The following YIPF5 variants were observed in gnomAD, a reference collection of about 807,000 sequenced individuals.
YIPF5 encodes protein YIPF5.
A neutral mutation model predicts 30.4 loss-of-function variants in YIPF5; 8 were observed. The observed-to-expected ratio is 0.26, with a 90% CI of 0.15 to 0.47. The LOEUF is 0.47. YIPF5 is among the 20% of genes least tolerant of loss of function. The probability of loss-of-function intolerance (pLI) is 0.99; values close to 1 mark genes in which losing one functional copy is unlikely to be tolerated. For missense variants in YIPF5, 282 were observed against 301.8 expected, an observed-to-expected ratio of 0.93 and a Z score of 0.49; for synonymous variants, 104 against 107.9, an observed-to-expected ratio of 0.96 and a Z score of 0.23.
chr5:144,162,591 A>G (rs1752079988), intron 4 of YIPF5, among the ~76,000 whole-genome samples, 192 bp from the exon 5 acceptor site: 1 of 152,210 alleles, frequency 6.6e-6, no homozygotes, highest in Admixed American at 6.5e-5. Flanking sequence ...AAGTACAGAG[A>G]TATTTGGTTC....
Position 144,162,216 on chromosome 5 carries a change from A to C in YIPF5, c.611+2T>G. On this transcript the variant is annotated splice_donor_variant, in intron 5 of 5. Transcript: ENST00000274496. LOFTEE classifies it high-confidence loss of function. ...ACCCCCAAAATAAAGAACAGTACTT[A>C]CTGCAAAGAAAATATCACTGCAAAG... The C allele has an allele frequency of 6.2e-7, 1 of 1,613,402 alleles. No individual in the cohort carries two copies. Among genetic ancestry groups the C allele is most frequent in the Non-Finnish European group, 8.5e-7 (1 of 1,179,582 alleles).
intron 4 of YIPF5, 95 bp downstream of exon 4, chr5:144,164,016 T>C: frequency 6.8e-7 from 1 of 1,475,392 alleles, no homozygotes; most frequent in Non-Finnish European, 9.2e-7. Flanking sequence ...AGACTTGAGG[T>C]GTAAAGCGGA....
At position 144,159,721 on chromosome 5, in the gene YIPF5, T is replaced by C; in HGVS notation, c.*676A>G. The C allele has an allele frequency of 1.3e-5, 12 of 939,570 alleles. No homozygotes were observed. The highest frequency in any genetic ancestry group is 1.5e-5 in the Non-Finnish European group (12 of 788,276). The allele number at this position is 939,570 out of a possible 1,614,324, so 58.2% of individuals were successfully genotyped here. On this transcript the variant is annotated 3_prime_UTR_variant, in exon 6 of 6. Coordinates refer to ENST00000274496, the MANE Select transcript of YIPF5 (RefSeq NM_030799.9). ...CTTGTGTCTCCTTTTTTTTTTTTTT[T>C]TGAGACAGAGTCTCACCCTGTCACC...
At chr5:144,163,861 T>TA in intron 4 of YIPF5, 1 of 318,106 alleles carries the variant, frequency 3.1e-6, no homozygotes, top group Non-Finnish European at 5.6e-6. Context: ...TGTTGTTTAC[T>TA]ATTTTTTTTT....
intron 4 of YIPF5, among the ~76,000 whole-genome samples, chr5:144,163,420 A>G (rs1752107285): frequency 6.6e-6 from 1 of 152,104 alleles, no homozygotes; most frequent in African/African-American, 2.4e-5. Flanking sequence ...GTCTTGTTTC[A>G]CCTTCAAAAT....
Position 144,160,029 on chromosome 5 carries a change from G to C in YIPF5, c.*368C>G. ...GGCCGTCTTGTGTCTTCTTTACTGTGACTGGGTCGTTTTTAAGAAAGGTTA... is the reference window on the plus strand; with the variant it reads ...GGCCGTCTTGTGTCTTCTTTACTGTCACTGGGTCGTTTTTAAGAAAGGTTA... On this transcript the variant is annotated 3_prime_UTR_variant, in exon 6 of 6. Transcript: ENST00000274496. 1 of 994,194 alleles carries C rather than the reference G, an allele frequency of 1.0e-6. No individual in the cohort carries two copies. 61.6% of individuals were successfully genotyped at this position (994,194 alleles called of 1,614,324 possible).
intron 1 of YIPF5, 92 bp from the exon 2 acceptor site, chr5:144,170,057 C>T: frequency 9.9e-7 from 1 of 1,007,848 alleles, no homozygotes; most frequent in South Asian, 1.4e-5. Flanking sequence ...AGAAACACAA[C>T]AAATATTTTT....
chr5:144,158,723 G>C lies in YIPF5; in HGVS notation c.*1674C>G. 9.9e-7 allele frequency: 1 copy of C among 1,012,868 alleles called. No individual in the cohort carries two copies. The highest frequency in any genetic ancestry group is 1.2e-6 in the Non-Finnish European group (1 of 848,552). 62.7% of individuals were successfully genotyped at this position (1,012,868 alleles called of 1,614,324 possible). On this transcript the variant is annotated 3_prime_UTR_variant, in exon 6 of 6. Coordinates refer to ENST00000274496, the MANE Select transcript of YIPF5 (RefSeq NM_030799.9). ...TTGCTTTTTTAAAGCAATTTGGTAA[G>C]TTTGAAAACCTAGCCCAAAACAAAT...
Position 144,159,959 on chromosome 5 carries a change from C to T in YIPF5, c.*438G>A, listed in dbSNP as rs192155738. The T allele has an allele frequency of 9.4e-4, 898 of 958,070 alleles. 3 individuals are homozygous for T. In the African/African-American group the frequency reaches 0.015, roughly 16 times the overall value. The allele number at this position is 958,070 out of a possible 1,614,324, so 59.3% of individuals were successfully genotyped here. A position where few individuals can be genotyped will look rare whatever the true frequency, so the allele number is the denominator to read the frequency against. On this transcript the variant is annotated 3_prime_UTR_variant, in exon 6 of 6. Transcript: ENST00000274496. ...TCCTGCCCTTGTGATCCGCCCGCCT[C>T]GGCCTCCCAAAGTGCTGGGATTACA...
chr5:144,159,376 ATTTT>A lies in YIPF5; in HGVS notation c.*1017_*1020del. 1 of 984,884 alleles carries A rather than the reference ATTTT, an allele frequency of 1.0e-6. No homozygotes were observed. The highest frequency in any genetic ancestry group is 1.2e-6 in the Non-Finnish European group (1 of 829,464). 61.0% of individuals were successfully genotyped at this position (984,884 alleles called of 1,614,324 possible). ...ATATTTTCCTTAAAAAAGGTTAGTG[ATTTT>A]TTTATTATTTTTGGGAAATGTGGCG... On this transcript the variant is annotated 3_prime_UTR_variant, in exon 6 of 6. Transcript: ENST00000274496.
rs955651184 is a variant in YIPF5, at chr5:144,159,953, C to A, written c.*444G>T. 8 of 947,014 alleles carry A rather than the reference C, an allele frequency of 8.4e-6. No individual in the cohort carries two copies. Among genetic ancestry groups the A allele is most frequent in the South Asian group, 4.9e-5 (1 of 20,570 alleles). 58.7% of individuals were successfully genotyped at this position (947,014 alleles called of 1,614,324 possible). ...TCGATCTCCTGCCCTTGTGATCCGC[C>A]CGCCTCGGCCTCCCAAAGTGCTGGG... is the stretch of plus-strand genomic sequence containing the variant. On this transcript the variant is annotated 3_prime_UTR_variant, in exon 6 of 6. Coordinates refer to ENST00000274496, the MANE Select transcript of YIPF5 (RefSeq NM_030799.9).
rs949648545 is a variant in YIPF5, at chr5:144,158,511, A to G, written c.*1886T>C. 8.2e-7 allele frequency: 1 copy of G among 1,216,580 alleles called. No individual in the cohort carries two copies. Among genetic ancestry groups the G allele is most frequent in the African/African-American group, 1.6e-5 (1 of 60,762 alleles). 75.4% of individuals were successfully genotyped at this position (1,216,580 alleles called of 1,614,324 possible). A position where few individuals can be genotyped will look rare whatever the true frequency, so the allele number is the denominator to read the frequency against. ...ACAGTGTTAAGTCTAACCAACAGCG[A>G]GATAATTTTAATTTCCAAAGCATCT... On this transcript the variant is annotated 3_prime_UTR_variant, in exon 6 of 6. Transcript: ENST00000274496.
chr5:144,158,989 A>G lies in YIPF5; in HGVS notation c.*1408T>C. 4.1e-6 allele frequency: 4 copies of G among 985,306 alleles called. No homozygotes were observed. The highest frequency in any genetic ancestry group is 4.8e-6 in the Non-Finnish European group (4 of 829,876). 61.0% of individuals were successfully genotyped at this position (985,306 alleles called of 1,614,324 possible). A position where few individuals can be genotyped will look rare whatever the true frequency, so the allele number is the denominator to read the frequency against. On this transcript the variant is annotated 3_prime_UTR_variant, in exon 6 of 6. Transcript: ENST00000274496. Reference sequence around the variant, plus strand: ...TAACTATAACTGAGCTTTGTCCAGAATCAGAGACAGTTTTTCTAGAAAAAG... The same window carrying G: ...TAACTATAACTGAGCTTTGTCCAGAGTCAGAGACAGTTTTTCTAGAAAAAG...
intron 1 of YIPF5, 120 bp from the exon 2 acceptor site, chr5:144,170,085 G>A: frequency 1.4e-6 from 1 of 725,554 alleles, no homozygotes; most frequent in East Asian, 2.7e-5. Context: ...TTCGGAGAGG[G>A]GATGGGGGCG....
At position 144,165,475 on chromosome 5, in the gene YIPF5, A is replaced by G; in HGVS notation, c.240T>C (p.Pro80=). Residue 80 remains proline (P), a synonymous_variant, in exon 3 of 6, where the codon CCT becomes CCC. Transcript: ENST00000274496. ...TQAYTPASPQ[P]FYGNNFEDEP... is the part of the protein sequence containing the mutation. The stretch of plus-strand genomic sequence containing the variant: ...CATCCTCAAAGTTGTTTCCATAGAA[A>G]GGCTGAGGTGAAGCTGGAGTATATG... 1 of 1,614,156 alleles carries G rather than the reference A, an allele frequency of 6.2e-7. No homozygotes were observed. The highest frequency in any genetic ancestry group is 1.1e-5 in the South Asian group (1 of 91,086).
intron 2 of YIPF5, among the ~76,000 whole-genome samples, chr5:144,167,357 A>G (rs1752230688): frequency 6.6e-6 from 1 of 152,186 alleles, no homozygotes; most frequent in Admixed American, 6.5e-5. Context: ...AACAACATGA[A>G]AAGCAGCAGA....
At chr5:144,161,957 T>C (rs1440509711) in intron 5 of YIPF5, among the ~76,000 whole-genome samples, 1 of 152,218 alleles carries the variant, frequency 6.6e-6, no homozygotes, top group African/African-American at 2.4e-5. Flanking sequence ...CCTGTTCAAT[T>C]TGTTACCACT....
intron 2 of YIPF5, among the ~76,000 whole-genome samples, chr5:144,169,118 C>T (rs79035334): frequency 0.011 from 1,659 of 152,218 alleles, 26 homozygotes; most frequent in African/African-American, 0.037. Context: ...CTTTATTTGA[C>T]AGGAAGCTGA....
At chr5:144,164,067 G>A in intron 4 of YIPF5, 44 bp downstream of exon 4, 1 of 1,597,470 alleles carries the variant, frequency 6.3e-7, no homozygotes, top group Non-Finnish European at 8.5e-7. Flanking sequence ...AAATTTAAAG[G>A]CTGTTCTTTA....
Sources: allele counts gnomAD v4.1 joint callset (sites outside exome capture counted in the v4.1 genomes callset), GRCh38; gene constraint gnomAD v4.1.1; transcripts MANE v1.5; gene names NCBI Gene and HGNC (gene_info 2026-07-23, HGNC 2026-07-21).